CDK14: variants seen among roughly 807,000 people sequenced by gnomAD.
CDK14 encodes the protein cyclin-dependent kinase 14.
CDK14 carries 34 observed loss-of-function variants against 60.7 expected under a neutral mutation model. The ratio of observed to expected loss-of-function variants is 0.56; its 90% CI spans 0.43 to 0.75. CDK14 has a LOEUF of 0.75. Among genes scored for constraint, CDK14 ranks in the 30% least tolerant of loss-of-function variants. The pLI is 0.00. For synonymous variants in CDK14, 197 were observed against 203.7 expected, an observed-to-expected ratio of 0.97 and a Z score of 0.28; for missense variants, 482 against 564.1, an observed-to-expected ratio of 0.85 and a Z score of 1.47.
chr7:90,959,031 C>T (rs1329279063), intron 9 of CDK14, among the ~76,000 whole-genome samples: 6 of 152,034 alleles, frequency 3.9e-5, no homozygotes, highest in Non-Finnish European at 5.9e-5. Flanking sequence ...TTTTCTTGCC[C>T]GTGTGTCACT....
intron 4 of CDK14, among the ~76,000 whole-genome samples, chr7:90,766,171 AGTT>A: frequency 6.6e-6 from 1 of 151,516 alleles, no homozygotes; most frequent in Admixed American, 6.6e-5. Context: ...CATTGATACT[AGTT>A]GTGATTTTTT....
At chr7:90,800,106 T>C (rs1788580874) in intron 5 of CDK14, among the ~76,000 whole-genome samples, 1 of 152,178 alleles carries the variant, frequency 6.6e-6, no homozygotes, top group African/African-American at 2.4e-5. Flanking sequence ...TTAATACATG[T>C]CTGAGTATTC....
chr7:90,913,966 G>A (rs1562825793), intron 7 of CDK14, among the ~76,000 whole-genome samples: 1 of 152,038 alleles, frequency 6.6e-6, no homozygotes, highest in African/African-American at 2.4e-5. Context: ...CCATTTTGAG[G>A]GTATCAGTTT....
intron 12 of CDK14, among the ~76,000 whole-genome samples, chr7:91,111,807 A>G (rs150364505): frequency 6.6e-6 from 1 of 152,282 alleles, no homozygotes; most frequent in East Asian, 1.9e-4. Context: ...CTGAGTAGAG[A>G]AATAGAGGTT....
chr7:90,898,728 C>G (rs1051124496), intron 6 of CDK14, among the ~76,000 whole-genome samples: 4 of 151,910 alleles, frequency 2.6e-5, no homozygotes, highest in Non-Finnish European at 5.9e-5. Flanking sequence ...ATATATTTAT[C>G]TTAATTTTTA....
At chr7:90,885,325 A>C (rs1191298959) in intron 6 of CDK14, among the ~76,000 whole-genome samples, 4 of 152,252 alleles carry the variant, frequency 2.6e-5, no homozygotes, top group Admixed American at 2.0e-4. Context: ...AAACATGAAA[A>C]AAATCTCAAC....
intron 14 of CDK14, among the ~76,000 whole-genome samples, chr7:91,130,320 T>A (rs982804459): frequency 1.3e-5 from 2 of 152,186 alleles, no homozygotes; most frequent in East Asian, 3.9e-4. Context: ...ATTTAAATTC[T>A]GTTTTCATGT....
intron 14 of CDK14, among the ~76,000 whole-genome samples, chr7:91,182,695 G>C (rs972601741): frequency 1.3e-5 from 2 of 152,064 alleles, no homozygotes; most frequent in African/African-American, 4.8e-5. Flanking sequence ...ACCACTATAT[G>C]CACCTACCAC....
At chr7:90,928,025 T>C (rs989184113) in intron 8 of CDK14, among the ~76,000 whole-genome samples, 3 of 152,176 alleles carry the variant, frequency 2.0e-5, no homozygotes, top group African/African-American at 7.2e-5. Flanking sequence ...AGCTTGTGCA[T>C]GTGTCACGTA....
At chr7:90,703,310 G>A (rs753166207) in intron 2 of CDK14, among the ~76,000 whole-genome samples, 10 of 152,058 alleles carry the variant, frequency 6.6e-5, no homozygotes, top group East Asian at 1.9e-4. Flanking sequence ...CTGTTATTTC[G>A]TGGATGTGGT....
intron 4 of CDK14, among the ~76,000 whole-genome samples, chr7:90,764,642 A>G (rs987299844): frequency 1.3e-5 from 2 of 152,228 alleles, no homozygotes; most frequent in African/African-American, 4.8e-5. Flanking sequence ...AAATTATTTT[A>G]AAGATTTCAG....
chr7:91,006,272 A>G (rs1205481037), intron 10 of CDK14, among the ~76,000 whole-genome samples: 1 of 152,228 alleles, frequency 6.6e-6, no homozygotes, highest in Non-Finnish European at 1.5e-5. Context: ...CCCTTCCCCA[A>G]AGGCTACTAC....
At chr7:90,983,406 G>A (rs1795285019) in intron 9 of CDK14, among the ~76,000 whole-genome samples, 1 of 152,100 alleles carries the variant, frequency 6.6e-6, no homozygotes, top group Non-Finnish European at 1.5e-5. Context: ...TTGGCCATGT[G>A]CGGTGGCTCA....
chr7:91,040,843 G>A (rs1384010133), intron 10 of CDK14, among the ~76,000 whole-genome samples: 2 of 152,214 alleles, frequency 1.3e-5, no homozygotes, highest in East Asian at 1.9e-4. Flanking sequence ...CTGTGCAAAA[G>A]CAAAGACTAG....
chr7:90,659,777 A>C (rs1157697915), intron 2 of CDK14, among the ~76,000 whole-genome samples: 1 of 151,950 alleles, frequency 6.6e-6, no homozygotes, highest in Non-Finnish European at 1.5e-5. Context: ...CAAGTAATTC[A>C]GAAAGAGCTC....
intron 2 of CDK14, among the ~76,000 whole-genome samples, chr7:90,647,753 G>T (rs1800501875): frequency 6.6e-6 from 1 of 152,170 alleles, no homozygotes; most frequent in African/African-American, 2.4e-5. Flanking sequence ...TTACTTGGGA[G>T]GCTGAGGCTG....
chr7:90,877,982 A>G (rs1302967223), intron 6 of CDK14, among the ~76,000 whole-genome samples: 2 of 152,052 alleles, frequency 1.3e-5, no homozygotes, highest in African/African-American at 2.4e-5. Context: ...CTAATTTCTC[A>G]TGTTACCAAA....
intron 5 of CDK14, among the ~76,000 whole-genome samples, chr7:90,853,525 AAC>A (rs71526700): frequency 6.0e-5 from 5 of 83,634 alleles, no homozygotes; most frequent in South Asian, 4.3e-4. Context: ...TAAACACACA[AAC>A]ACACACACAC....
chr7:91,178,786 A>G (rs1387105057), intron 14 of CDK14, among the ~76,000 whole-genome samples: 1 of 151,598 alleles, frequency 6.6e-6, no homozygotes, highest in Non-Finnish European at 1.5e-5. Context: ...TAGAATGGCA[A>G]TCATTAAAAA....
Sources: allele counts gnomAD v4.1 joint callset (sites outside exome capture counted in the v4.1 genomes callset), GRCh38; gene constraint gnomAD v4.1.1; transcripts MANE v1.5; gene names NCBI Gene and HGNC (gene_info 2026-07-23, HGNC 2026-07-21).